Variants in RALGAPB observed in about 807,000 individuals in gnomAD.
RALGAPB encodes ral GTPase-activating protein subunit beta.
In RALGAPB, 25 loss-of-function variants were observed where a neutral mutation model predicts 161.1. That is an observed-to-expected ratio of 0.16 (90% CI 0.11 to 0.22). The LOEUF (loss-of-function observed/expected upper bound fraction) is 0.22. Ranked by LOEUF, RALGAPB falls within the 10% of genes least tolerant of loss-of-function variation. The probability of loss-of-function intolerance (pLI) is 1.00; values close to 1 mark genes in which losing one functional copy is unlikely to be tolerated. For synonymous variants in RALGAPB, 629 were observed against 626.1 expected, an observed-to-expected ratio of 1.00 and a Z score of -0.07; for missense variants, 1,391 against 1,815.2, an observed-to-expected ratio of 0.77 and a Z score of 4.25.
chr20:38,526,813 T>G (rs2086486401), intron 13 of RALGAPB, among the ~76,000 whole-genome samples: 1 of 152,216 alleles, frequency 6.6e-6, no homozygotes, highest in South Asian at 2.1e-4. Context: ...AGAGAGACCC[T>G]GATGAACAGA....
intron 27 of RALGAPB, 152 bp from the exon 28 acceptor site, chr20:38,570,617 A>G (rs1460363854): frequency 9.6e-6 from 4 of 418,214 alleles, no homozygotes; most frequent in Non-Finnish European, 1.7e-5. Flanking sequence ...GAATTTTTTA[A>G]TTTGTAGAGA....
At chr20:38,488,216 C>T (rs2085175039) in intron 1 of RALGAPB, among the ~76,000 whole-genome samples, 187 bp from the exon 2 acceptor site, 1 of 152,118 alleles carries the variant, frequency 6.6e-6, no homozygotes, top group South Asian at 2.1e-4. Flanking sequence ...TTATCCATAA[C>T]ATTTATTTCA....
At chr20:38,526,475 G>A (rs2086474692) in intron 13 of RALGAPB, among the ~76,000 whole-genome samples, 1 of 151,546 alleles carries the variant, frequency 6.6e-6, no homozygotes, top group Non-Finnish European at 1.5e-5. Context: ...CTGCACTTTC[G>A]TCCTAGTCCT....
At position 38,577,002 on chromosome 20, in the gene RALGAPB, T is replaced by G. The variant is rs2088462918; in HGVS notation, c.*2035T>G. On this transcript the variant is annotated 3_prime_UTR_variant, in exon 30 of 30. Transcript: ENST00000262879. ...TCAGTTAGCTCTAAATTCTGGCAAC[T>G]CCTTGTAATTCCAATGTATTTGATA... is the stretch of plus-strand genomic sequence containing the variant. The G allele has an allele frequency of 1.3e-5, 2 of 152,596 alleles. No homozygotes were observed. Among genetic ancestry groups the G allele is most frequent in the African/African-American group, 4.8e-5 (2 of 41,444 alleles). The allele number at this position is 152,596 out of a possible 1,614,324, so 9.5% of individuals were successfully genotyped here.
At chr20:38,534,477 G>C (rs1346617436) in intron 15 of RALGAPB, 1 of 152,492 alleles carries the variant, frequency 6.6e-6, no homozygotes, top group African/African-American at 2.4e-5. Context: ...TAGCTAACTA[G>C]TGATTGCTTT....
intron 1 of RALGAPB, among the ~76,000 whole-genome samples, chr20:38,481,043 C>T (rs762744889): frequency 1.6e-4 from 25 of 151,988 alleles, no homozygotes; most frequent in Non-Finnish European, 3.2e-4. Flanking sequence ...GCCTCATCTG[C>T]CCCTTTTTAC....
chr20:38,479,831 CCT>C (rs2084914375), intron 1 of RALGAPB, among the ~76,000 whole-genome samples: 1 of 152,164 alleles, frequency 6.6e-6, no homozygotes. Context: ...CTGTTACCCC[CCT>C]GACCGCCCTC....
intron 8 of RALGAPB, 58 bp from the exon 9 acceptor site, chr20:38,517,724 GTC>G (rs769915840): frequency 1.2e-4 from 190 of 1,605,860 alleles, no homozygotes; most frequent in Non-Finnish European, 1.4e-4. Flanking sequence ...TTTTTATAAA[GTC>G]TTGCTATTTT....
chr20:38,534,156 A>C (rs1164387368), intron 15 of RALGAPB, among the ~76,000 whole-genome samples: 7 of 151,012 alleles, frequency 4.6e-5, no homozygotes, highest in African/African-American at 1.5e-4. Flanking sequence ...AAAAAAAAAA[A>C]CAGAAAACAA....
intron 22 of RALGAPB, among the ~76,000 whole-genome samples, 186 bp from the exon 23 acceptor site, chr20:38,558,109 C>G (rs1423113975): frequency 6.6e-6 from 1 of 152,036 alleles, no homozygotes; most frequent in Non-Finnish European, 1.5e-5. Flanking sequence ...TAAAAAGAGG[C>G]AAATAAAAGA....
intron 13 of RALGAPB, among the ~76,000 whole-genome samples, chr20:38,526,586 A>T (rs1307914811): frequency 6.6e-6 from 1 of 152,092 alleles, no homozygotes; most frequent in Non-Finnish European, 1.5e-5. Flanking sequence ...GCTTTTCTTC[A>T]TCATCTTCTT....
rs900021522 is a variant in RALGAPB, at chr20:38,575,634, C to A, written c.*667C>A. Reference sequence around the variant, plus strand: ...CTGAAAGCCTCAGTTTCTGAGTGACCCAGGAACAGATCAGAAATGGAGCAT... The same window carrying A: ...CTGAAAGCCTCAGTTTCTGAGTGACACAGGAACAGATCAGAAATGGAGCAT... On this transcript the variant is annotated 3_prime_UTR_variant, in exon 30 of 30. Coordinates refer to ENST00000262879, the MANE Select transcript of RALGAPB (RefSeq NM_020336.4). 6.6e-6 allele frequency: 1 copy of A among 152,492 alleles called. No individual in the cohort carries two copies. The highest frequency in any genetic ancestry group is 1.5e-5 in the Non-Finnish European group (1 of 68,170). The allele number at this position is 152,492 out of a possible 1,614,324, so 9.4% of individuals were successfully genotyped here. A position where few individuals can be genotyped will look rare whatever the true frequency, so the allele number is the denominator to read the frequency against.
chr20:38,476,346 G>A (rs536906150), intron 1 of RALGAPB, among the ~76,000 whole-genome samples: 8 of 152,298 alleles, frequency 5.3e-5, no homozygotes, highest in African/African-American at 1.9e-4. Context: ...GATGATTTAA[G>A]TTTTAAAATT....
intron 14 of RALGAPB, among the ~76,000 whole-genome samples, chr20:38,532,508 G>A (rs559129100): frequency 3.9e-5 from 6 of 152,190 alleles, no homozygotes; most frequent in Non-Finnish European, 8.8e-5. Context: ...GAAGACCCCA[G>A]TATGGGCACT....
At chr20:38,507,058 T>C (rs190441955) in intron 5 of RALGAPB, among the ~76,000 whole-genome samples, 2 of 152,316 alleles carry the variant, frequency 1.3e-5, no homozygotes, top group Admixed American at 6.5e-5. Context: ...TGCTTTTATC[T>C]TGATTATAAT....
At chr20:38,539,351 G>C (rs1438023964) in intron 16 of RALGAPB, among the ~76,000 whole-genome samples, 1 of 152,152 alleles carries the variant, frequency 6.6e-6, no homozygotes, top group Non-Finnish European at 1.5e-5. Flanking sequence ...ACTTATGTCA[G>C]AATTGACCAG....
At chr20:38,540,914 A>T in intron 17 of RALGAPB, 127 bp from the exon 18 acceptor site, 1 of 959,246 alleles carries the variant, frequency 1.0e-6, no homozygotes, top group Non-Finnish European at 1.5e-6. Flanking sequence ...TATATCCATT[A>T]AAGAAATTAC....
chr20:38,494,303 G>A (rs946232113), intron 3 of RALGAPB, among the ~76,000 whole-genome samples: 1 of 152,178 alleles, frequency 6.6e-6, no homozygotes, highest in African/African-American at 2.4e-5. Flanking sequence ...TTAAATGCGT[G>A]TTGTTTGTAT....
Position 38,507,975 on chromosome 20 carries a change from T to C in RALGAPB, c.741-1102T>C, listed in dbSNP as rs556672624. Among the ~76,000 whole-genome samples, 30 of 152,122 alleles carry C rather than the reference T, an allele frequency of 2.0e-4. No individual in the cohort carries two copies. The South Asian group carries it at 4.6e-3, about 23-fold the overall frequency. On this transcript the variant is annotated intron_variant, in intron 5 of 29. Transcript: ENST00000262879. ...AATAGTTTTAATACATTTAGAATAT[T>C]AAGTAATTAAGTTGTTGAGTTATTT...
Sources: allele counts gnomAD v4.1 joint callset (sites outside exome capture counted in the v4.1 genomes callset), GRCh38; gene constraint gnomAD v4.1.1; transcripts MANE v1.5; gene names NCBI Gene and HGNC (gene_info 2026-07-23, HGNC 2026-07-21).